The following HEATR5B variants were observed in gnomAD, a reference collection of about 807,000 sequenced individuals.
The protein encoded by HEATR5B is HEAT repeat-containing protein 5B.
In HEATR5B, 156 loss-of-function variants were observed where a neutral mutation model predicts 224.1. That is an observed-to-expected ratio of 0.70 (90% CI 0.61 to 0.80). HEATR5B has a LOEUF of 0.80. Ranked by LOEUF, HEATR5B falls within the 30% of genes least tolerant of loss-of-function variation. HEATR5B has a pLI of 0.00. For missense variants in HEATR5B, 2,323 were observed against 2,535.5 expected (o/e 0.92, Z 1.80); for synonymous variants, 1,027 against 893.0 (o/e 1.15, Z -2.68).
At chr2:36,984,879 TATAAGA>T (rs1402351151) in intron 35 of HEATR5B, among the ~76,000 whole-genome samples, 1 of 152,168 alleles carries the variant, frequency 6.6e-6, no homozygotes, top group Non-Finnish European at 1.5e-5. Flanking sequence ...GGTGATTAGA[TATAAGA>T]ATAAGGTGCA....
rs1010288291 is a variant in HEATR5B at position 37,028,872 on chromosome 2, C to A, written c.3410G>T (p.Cys1137Phe). ...TGTTATATTAACACCTTGGTGCCGG[C>A]AATGGATATCAGTTCGAGAACTAAC... ...PGVSSRTDIH[C>F]RHQGVNITET... Residue 1137 changes from cysteine (C) to phenylalanine (F), a missense_variant, in exon 23 of 36, where the codon TGC (cysteine) becomes TTC (phenylalanine). By Grantham distance (205) the Cys-to-Phe change is radical (BLOSUM62 -2). Around this residue, in one of 12 missense-constraint regions of HEATR5B, gnomAD observed 339 missense variants for 378.4 expected, o/e 0.90. Transcript: ENST00000233099. 1 of 1,613,856 alleles carries A rather than the reference C, an allele frequency of 6.2e-7. No homozygotes were observed. The highest frequency in any genetic ancestry group is 1.3e-5 in the African/African-American group (1 of 74,926).
chr2:37,026,309 C>T (rs1321062679), intron 24 of HEATR5B, among the ~76,000 whole-genome samples: 1 of 152,144 alleles, frequency 6.6e-6, no homozygotes, highest in Non-Finnish European at 1.5e-5. Context: ...GATGTTAGCC[C>T]AGCGAGACTC....
At chr2:37,079,515 T>C (rs1281486243) in intron 2 of HEATR5B, among the ~76,000 whole-genome samples, 184 bp from the exon 3 acceptor site, 1 of 152,218 alleles carries the variant, frequency 6.6e-6, no homozygotes, top group Non-Finnish European at 1.5e-5. Flanking sequence ...CATTCTTTCC[T>C]ACATTAAATA....
At chr2:37,041,383 G>A in intron 18 of HEATR5B, 91 bp from the exon 19 acceptor site, 1 of 1,169,266 alleles carries the variant, frequency 8.6e-7, no homozygotes, top group Non-Finnish European at 1.2e-6. Flanking sequence ...GGGATTTATT[G>A]GGGAAATAAG....
Position 36,990,771 on chromosome 2 carries a change from T to C in HEATR5B, c.5574A>G (p.Val1858=). The change falls in exon 34 of 36, where the codon GTA becomes GTG. Residue 1858 remains valine (V), a synonymous_variant. Coordinates refer to ENST00000233099, the MANE Select transcript of HEATR5B (RefSeq NM_019024.3). ...PEDSVPTPDE[V]SMLTAIALFL... is the part of the protein sequence containing the mutation. ...AGAGTGCAATTGCTGTTAGCATGCT[T>C]ACTTCATCAGGTGTAGGTACAGAGT... 6.2e-7 allele frequency: 1 copy of C among 1,609,786 alleles called. No individual in the cohort carries two copies. The highest frequency in any genetic ancestry group is 8.5e-7 in the Non-Finnish European group (1 of 1,177,660).
chr2:37,073,410 A>AT (rs558154906), intron 5 of HEATR5B, among the ~76,000 whole-genome samples: 1 of 152,130 alleles, frequency 6.6e-6, no homozygotes, highest in Non-Finnish European at 1.5e-5. Context: ...CGCCTGGCTA[A>AT]TTTTTTTATT....
chr2:37,029,643 C>G (rs946270687), intron 22 of HEATR5B, among the ~76,000 whole-genome samples: 2 of 148,750 alleles, frequency 1.3e-5, no homozygotes, highest in African/African-American at 5.0e-5. Flanking sequence ...CAGCCTGGAC[C>G]ACAAGAGTGA....
intron 12 of HEATR5B, 50 bp from the exon 13 acceptor site, chr2:37,059,037 GAATT>G (rs748538424): frequency 2.1e-5 from 23 of 1,111,096 alleles, no homozygotes; most frequent in African/African-American, 4.7e-5. Flanking sequence ...TTGTGAACAT[GAATT>G]AATTTATAAA....
intron 30 of HEATR5B, among the ~76,000 whole-genome samples, chr2:37,005,007 T>C (rs939052330): frequency 1.3e-5 from 2 of 152,218 alleles, no homozygotes; most frequent in African/African-American, 4.8e-5. Flanking sequence ...ATCATTCCTC[T>C]ACTTAAACAT....
chr2:37,002,692 G>A (rs544399683), intron 31 of HEATR5B, 120 bp from the exon 32 acceptor site: 23 of 950,028 alleles, frequency 2.4e-5, no homozygotes, highest in African/African-American at 1.6e-4. Context: ...AATGTCACAC[G>A]TCCTTCTCTG....
chr2:37,020,419 T>C (rs2148437915), intron 25 of HEATR5B, among the ~76,000 whole-genome samples: 1 of 152,350 alleles, frequency 6.6e-6, no homozygotes, highest in South Asian at 2.1e-4. Flanking sequence ...GGAATTTCTA[T>C]TCTAGTTTTA....
chr2:37,031,743 T>C (rs768249187), intron 22 of HEATR5B, among the ~76,000 whole-genome samples: 1 of 152,216 alleles, frequency 6.6e-6, no homozygotes, highest in Non-Finnish European at 1.5e-5. Flanking sequence ...GTTATTCTTG[T>C]ATCTTGCTTC....
At chr2:37,032,400 G>C (rs1669188316) in intron 22 of HEATR5B, among the ~76,000 whole-genome samples, 1 of 151,878 alleles carries the variant, frequency 6.6e-6, no homozygotes, top group African/African-American at 2.4e-5. Context: ...TGAGTAGCTA[G>C]GACTACAGGT....
Position 37,013,343 on chromosome 2 carries a change from T to A in HEATR5B, c.4284+498A>T, listed in dbSNP as rs1294778367. Among the ~76,000 whole-genome samples, 3 of 143,964 alleles carry A rather than the reference T, an allele frequency of 2.1e-5. No individual in the cohort carries two copies. In the East Asian group the frequency reaches 8.5e-4, roughly 41 times the overall value. 94.4% of individuals were successfully genotyped at this position (143,964 alleles called of 152,430 possible). ...ATGAATTTAAAACAATGTAATTATA[T>A]ATTTTTTAAAGTGACTGTGAGAATG... On this transcript the variant is annotated intron_variant, in intron 27 of 35. Transcript: ENST00000233099.
intron 21 of HEATR5B, among the ~76,000 whole-genome samples, chr2:37,036,637 G>A (rs1051494050): frequency 3.3e-5 from 5 of 151,754 alleles, no homozygotes; most frequent in South Asian, 2.1e-4. Context: ...TCAGCCTCCC[G>A]AGTAGCTGAG....
In HEATR5B at chr2:37,028,746, G is replaced by A. The variant is rs555303563; in HGVS notation, c.3536C>T (p.Ser1179Leu). ...IHDTLGHMLS[S>L]LAVEKLSHWL... is the part of the protein sequence containing the mutation. Reference sequence around the variant, plus strand: ...ATGAGAAAGTTTTTCTACTGCCAGCGAAGAAAGCATATGTCCCAAAGTGTC... The same window carrying A: ...ATGAGAAAGTTTTTCTACTGCCAGCAAAGAAAGCATATGTCCCAAAGTGTC... Residue 1179 changes from serine to leucine, a missense_variant, in exon 23 of 36, where the codon TCG becomes TTG. Physicochemically the swap from Ser to Leu is moderately radical, Grantham distance 145 (BLOSUM62 -2). Coordinates refer to ENST00000233099, the MANE Select transcript of HEATR5B (RefSeq NM_019024.3). 1.4e-4 allele frequency: 218 copies of A among 1,613,688 alleles called. No homozygotes were observed. The highest frequency in any genetic ancestry group is 1.6e-4 in the Non-Finnish European group (194 of 1,179,774).
intron 18 of HEATR5B, among the ~76,000 whole-genome samples, chr2:37,048,741 G>T (rs1454948483): frequency 6.6e-6 from 1 of 152,166 alleles, no homozygotes; most frequent in East Asian, 1.9e-4. Context: ...TAAGTGTCTG[G>T]TTATATTTTA....
chr2:37,058,548 T>C lies in HEATR5B; in HGVS notation c.1962A>G (p.Val654=). The C allele has an allele frequency of 6.2e-7, 1 of 1,606,044 alleles. No homozygotes were observed. The highest frequency in any genetic ancestry group is 8.5e-7 in the Non-Finnish European group (1 of 1,172,676). Residue 654 remains valine, a synonymous_variant, in exon 14 of 36, where the codon GTA becomes GTG. Transcript: ENST00000233099. ...AMTMMSHIPS[V]MKAHGAHLKA... ...TCAGATGAGCTCCATGGGCTTTCAT[T>C]ACAGATGGAATGCTAAAATATCAAA...
At chr2:37,081,608 T>A (rs1356919385) in intron 2 of HEATR5B, among the ~76,000 whole-genome samples, 1 of 152,048 alleles carries the variant, frequency 6.6e-6, no homozygotes, top group South Asian at 2.1e-4. Context: ...TACCTTGAGA[T>A]AGAGGGAATG....
Sources: gnomAD v4.1 joint callset for allele counts (sites outside exome capture counted in the v4.1 genomes callset) on GRCh38, gnomAD v4.1.1 for gene constraint, gnomAD v4.1.1 regional missense constraint, MANE v1.5 for transcripts, NCBI Gene and HGNC (gene_info 2026-07-23, HGNC 2026-07-21) for gene names.